The following MKS1 variants were observed in gnomAD, a reference collection of about 807,000 sequenced individuals.
MKS1 encodes MKS transition zone complex subunit 1, also known as tectonic-like complex member MKS1.
MKS1 carries 70 observed loss-of-function variants against 83.7 expected under a neutral mutation model. That is an observed-to-expected ratio of 0.84 (90% CI 0.69 to 1.02). The LOEUF (loss-of-function observed/expected upper bound fraction) is 1.02. MKS1 is among the 50% of genes least tolerant of loss of function. The pLI is 0.00. For missense variants in MKS1, 681 were observed against 726.9 expected (o/e 0.94, Z 0.73); for synonymous variants, 251 against 273.4 (o/e 0.92, Z 0.81).
chr17:58,210,850 C>T, intron 10 of MKS1, 126 bp from the exon 11 acceptor site: 4 of 1,450,864 alleles, frequency 2.8e-6, no homozygotes, highest in South Asian at 1.1e-5. Context: ...TCTGCGTTTC[C>T]AGGAAAGACT....
rs116514023 is a variant in MKS1, at chr17:58,219,248, G to C, written c.-18C>G. On this transcript the variant is annotated 5_prime_UTR_variant, in exon 1 of 18. Transcript: ENST00000393119. ...TCCGCCATGACAGCTGCGACGCGCC[G>C]CGACTGCGCCGGAAAGCGCGCCGCT... 3,315 of 1,549,458 alleles carry C rather than the reference G, an allele frequency of 2.1e-3. 59 individuals are homozygous for C. In the African/African-American group the frequency reaches 0.04, roughly 19 times the overall value.
chr17:58,214,783 C>A lies in MKS1; in HGVS notation c.473G>T (p.Arg158Leu), dbSNP rs373471917. ...CCGGCGACGCCTGACATTTGCCATTCGCTCGACCAAGAATGAAGGCACCTC... is the reference window on the plus strand; with the variant it reads ...CCGGCGACGCCTGACATTTGCCATTAGCTCGACCAAGAATGAAGGCACCTC... ...ASEVPSFLVE[R>L]MANVRRRRQD... Residue 158 changes from arginine to leucine, a missense_variant, in exon 5 of 18, where the codon CGA becomes CTA. By Grantham distance (102) the Arg-to-Leu change is moderately radical (BLOSUM62 -2). Transcript: ENST00000393119. The A allele has an allele frequency of 6.2e-7, 1 of 1,607,174 alleles. No homozygotes were observed. The highest frequency in any genetic ancestry group is 8.5e-7 in the Non-Finnish European group (1 of 1,179,838).
At chr17:58,212,577 G>A (rs1188025926) in intron 8 of MKS1, 143 bp from the exon 9 acceptor site, 13 of 887,242 alleles carry the variant, frequency 1.5e-5, no homozygotes, top group Admixed American at 4.0e-5. Context: ...CCATTTTACC[G>A]TGAAGCAGAG....
chr17:58,217,898 G>A (rs1969321080), intron 2 of MKS1, among the ~76,000 whole-genome samples: 1 of 152,166 alleles, frequency 6.6e-6, no homozygotes, highest in African/African-American at 2.4e-5. Context: ...CAACCTGTGA[G>A]CCCACACTCT....
At chr17:58,214,426 C>T in intron 5 of MKS1, 39 bp from the exon 6 acceptor site, 1 of 1,612,108 alleles carries the variant, frequency 6.2e-7, no homozygotes, top group Admixed American at 1.7e-5. Context: ...CCTGGCACAC[C>T]CCAATGGAGC....
Position 58,205,959 on chromosome 17 carries a change from T to C in MKS1, c.*120A>G. The C allele has an allele frequency of 2.0e-6, 3 of 1,527,502 alleles. No individual in the cohort carries two copies. The highest frequency in any genetic ancestry group is 2.6e-6 in the Non-Finnish European group (3 of 1,140,538). The allele number at this position is 1,527,502 out of a possible 1,614,324, so 94.6% of individuals were successfully genotyped here. On this transcript the variant is annotated 3_prime_UTR_variant, in exon 18 of 18. Transcript: ENST00000393119. ...AGGGGCCAGCCGGGAATTTCCCAGC[T>C]TTTCTGGTTCTCAGCAGACCAACGT...
rs769489826 is a variant in MKS1 at position 58,212,423 on chromosome 17, C to A, written c.870G>T (p.Arg290=). 1.9e-6 allele frequency: 3 copies of A among 1,614,130 alleles called. No homozygotes were observed. The highest frequency in any genetic ancestry group is 2.5e-6 in the Non-Finnish European group (3 of 1,180,026). ...CGAGGCTGCTGAGATACTCCTTGTGCCGGCCATAAAGCTGAGGAAACAAAC... is the reference window on the plus strand; with the variant it reads ...CGAGGCTGCTGAGATACTCCTTGTGACGGCCATAAAGCTGAGGAAACAAAC... ...ERRVFKDLYG[R]HKEYLSSLVG... The change falls in exon 9 of 18, where the codon CGG becomes CGT. Residue 290 remains arginine, a synonymous_variant. Transcript: ENST00000393119.
rs1381883820 is a variant in MKS1 at position 58,219,253 on chromosome 17, T to C, written c.-23A>G. ...CATGACAGCTGCGACGCGCCGCGAC[T>C]GCGCCGGAAAGCGCGCCGCTCTGTT... On this transcript the variant is annotated 5_prime_UTR_variant, in exon 1 of 18. Transcript: ENST00000393119. 1 of 1,549,116 alleles carries C rather than the reference T, an allele frequency of 6.5e-7. No individual in the cohort carries two copies. Among genetic ancestry groups the C allele is most frequent in the Non-Finnish European group, 8.7e-7 (1 of 1,146,744 alleles).
rs528253185 is a variant in MKS1, at chr17:58,205,728, C to T, written c.*351G>A. The T allele has an allele frequency of 1.6e-6, 2 of 1,220,226 alleles. No individual in the cohort carries two copies. Among genetic ancestry groups the T allele is most frequent in the Middle Eastern group, 2.0e-4 (1 of 4,946 alleles). The allele number at this position is 1,220,226 out of a possible 1,614,324, so 75.6% of individuals were successfully genotyped here. On this transcript the variant is annotated 3_prime_UTR_variant, in exon 18 of 18. Coordinates refer to ENST00000393119, the MANE Select transcript of MKS1 (RefSeq NM_017777.4). ...GGCTCCATTTTTAAAGGGTGGAGAA[C>T]AGCAGATCCCCTGCTACTGTGAGAC...
rs1022201134 is a variant in MKS1, at chr17:58,214,494, G to A, written c.516-107C>T. On this transcript the variant is annotated intron_variant, in intron 5 of 17. Transcript: ENST00000393119. ...TTTGAGCTAGTGGACATACTGTTTTGTTTTGTTTTTTAAGAGCCAAAATAT... is the reference window on the plus strand; with the variant it reads ...TTTGAGCTAGTGGACATACTGTTTTATTTTGTTTTTTAAGAGCCAAAATAT... The A allele has an allele frequency of 3.9e-6, 6 of 1,551,222 alleles. No individual in the cohort carries two copies. The Admixed American group carries it at 7.3e-5, about 19-fold the overall frequency.
chr17:58,211,186 T>G, intron 9 of MKS1, 164 bp from the exon 10 acceptor site: 1 of 659,278 alleles, frequency 1.5e-6, no homozygotes, highest in Non-Finnish European at 2.7e-6. Context: ...CAGATCTGTT[T>G]CCTTCATTCC....
At chr17:58,218,561 A>G in intron 2 of MKS1, 59 bp downstream of exon 2, 1 of 1,322,720 alleles carries the variant, frequency 7.6e-7, no homozygotes, top group Non-Finnish European at 1.1e-6. Flanking sequence ...ACATTTGGCC[A>G]CAATTCTGAT....
At chr17:58,214,637 G>A in intron 5 of MKS1, 104 bp downstream of exon 5, 1 of 1,205,690 alleles carries the variant, frequency 8.3e-7, no homozygotes, top group South Asian at 1.6e-5. Context: ...TAATTACAAA[G>A]TAATACTTGA....
At position 58,216,088 on chromosome 17, in the gene MKS1, C is replaced by T. The variant is rs386834048; in HGVS notation, c.417G>A (p.Glu139=). The change falls in exon 4 of 18, where the codon GAG becomes GAA. Residue 139 remains glutamate (E), a splice_region_variant and synonymous_variant. Coordinates refer to ENST00000393119, the MANE Select transcript of MKS1 (RefSeq NM_017777.4). ...TATGAGACCCTAGAAAGAACAATACCTCCTCCAAATTGGTGTATCTATCAG... is the reference window on the plus strand; with the variant it reads ...TATGAGACCCTAGAAAGAACAATACTTCCTCCAAATTGGTGTATCTATCAG... ...TDSDRYTNLE[E]HCQRMTTAAS... is the part of the protein sequence containing the mutation. 1.5e-4 allele frequency: 245 copies of T among 1,614,030 alleles called. No homozygotes were observed. Among genetic ancestry groups the T allele is most frequent in the Non-Finnish European group, 1.8e-4 (210 of 1,180,022 alleles).
rs775558298 is a variant in MKS1 at position 58,206,328 on chromosome 17, G to C, written c.1543C>G (p.Arg515Gly). The change falls in exon 17 of 18, where the codon CGT becomes GGT. Residue 515 changes from arginine to glycine, a missense_variant. Physicochemically the swap from Arg to Gly is moderately radical, Grantham distance 125 (BLOSUM62 -2). Transcript: ENST00000393119. ...LQKRMRSVLDRLEGFSQQSSI... is the reference protein window; with the variant it reads ...LQKRMRSVLDGLEGFSQQSSI... ...CTCTGCTGGCTGAACCCTTCCAGACGGTCCAACACACTCCGCATCCTTTTC... is the reference window on the plus strand; with the variant it reads ...CTCTGCTGGCTGAACCCTTCCAGACCGTCCAACACACTCCGCATCCTTTTC... 4 of 1,613,892 alleles carry C rather than the reference G, an allele frequency of 2.5e-6. No individual in the cohort carries two copies. Among genetic ancestry groups the C allele is most frequent in the Non-Finnish European group, 2.5e-6 (3 of 1,180,004 alleles).
chr17:58,218,751 A>G, intron 1 of MKS1, 22 bp from the exon 2 acceptor site: 1 of 1,573,186 alleles, frequency 6.4e-7, no homozygotes, highest in Non-Finnish European at 8.7e-7. Context: ...AGCCCAAAAT[A>G]TTCGTTACCA....
chr17:58,207,084 C>T lies in MKS1; in HGVS notation c.1407+1G>A, dbSNP rs1567795088. 8 of 1,614,204 alleles carry T rather than the reference C, an allele frequency of 5.0e-6. No homozygotes were observed. Among genetic ancestry groups the T allele is most frequent in the Non-Finnish European group, 6.8e-6 (8 of 1,180,036 alleles). Reference sequence around the variant, plus strand: ...GAAGTCACTCCAAAGACAAAAGTCACCTTGAAGGATCCTGGTATCCGTACA... The same window carrying T: ...GAAGTCACTCCAAAGACAAAAGTCATCTTGAAGGATCCTGGTATCCGTACA... On this transcript the variant is annotated splice_donor_variant, in intron 15 of 17. Coordinates refer to ENST00000393119, the MANE Select transcript of MKS1 (RefSeq NM_017777.4). LOFTEE classifies it high-confidence loss of function.
At chr17:58,206,829 G>T in intron 15 of MKS1, 1 of 632,616 alleles carries the variant, frequency 1.6e-6, no homozygotes, top group Non-Finnish European at 2.7e-6. Context: ...CAGTGATGGG[G>T]GAAAGAGCCA....
At chr17:58,216,331 T>A (rs1969213266) in intron 3 of MKS1, 88 bp from the exon 4 acceptor site, 7 of 1,383,098 alleles carry the variant, frequency 5.1e-6, no homozygotes, top group Non-Finnish European at 7.1e-6. Context: ...AAATCAGTTC[T>A]ACAGAACTGA....
Sources: allele counts gnomAD v4.1 joint callset (sites outside exome capture counted in the v4.1 genomes callset), GRCh38; gene constraint gnomAD v4.1.1; transcripts MANE v1.5; gene names NCBI Gene and HGNC (gene_info 2026-07-23, HGNC 2026-07-21).